Variants in RELN observed in about 807,000 individuals in gnomAD.
RELN encodes the protein reelin.
In RELN, 108 loss-of-function variants were observed where a neutral mutation model predicts 427.6. The observed-to-expected ratio is 0.25, with a 90% confidence interval of 0.22 to 0.30. The LOEUF is 0.30. Among genes scored for constraint, RELN ranks in the 10% least tolerant of loss-of-function variants. The probability of loss-of-function intolerance (pLI) is 1.00; values close to 1 mark genes in which losing one functional copy is unlikely to be tolerated. For missense variants in RELN, 3,715 were observed against 4,302.8 expected (o/e 0.86, Z 3.82); for synonymous variants, 1,524 against 1,513.4 (o/e 1.01, Z -0.16).
chr7:103,502,767 A>G (rs1186626498), intron 52 of RELN, among the ~76,000 whole-genome samples: 1 of 152,164 alleles, frequency 6.6e-6, no homozygotes, highest in Non-Finnish European at 1.5e-5. Context: ...CCATTTTAAG[A>G]TACTGAGGTT....
Position 103,575,631 on chromosome 7 carries a change from T to G in RELN, c.4220A>C (p.Tyr1407Ser). ...GTAACTGGGACAAGGCTCGGATATGTACACTCCATCTAAACCAAATGGAGG... is the reference window on the plus strand; with the variant it reads ...GTAACTGGGACAAGGCTCGGATATGGACACTCCATCTAAACCAAATGGAGG... ...NVPPFGLDGV[Y>S]ISEPCPSYCS... is the part of the protein sequence containing the mutation. Residue 1407 changes from tyrosine (Y) to serine (S), a missense_variant, in exon 29 of 65, where the codon TAC (tyrosine) becomes TCC (serine). Around this residue, in one of 4 missense-constraint regions of RELN, gnomAD observed 2,208 missense variants for 2,361.7 expected, o/e 0.93. Transcript: ENST00000428762. 6.2e-7 allele frequency: 1 copy of G among 1,614,170 alleles called. No homozygotes were observed. Among genetic ancestry groups the G allele is most frequent in the Non-Finnish European group, 8.5e-7 (1 of 1,180,002 alleles).
chr7:103,543,793 C>T (rs981297169), intron 42 of RELN, among the ~76,000 whole-genome samples: 7 of 152,106 alleles, frequency 4.6e-5, no homozygotes, highest in East Asian at 1.9e-4. Context: ...ATTTTAACCA[C>T]GTCAAAGTAA....
chr7:103,915,715 C>A lies in RELN; in HGVS notation c.337+1360G>T, dbSNP rs79961335. 3.7e-3 allele frequency among the ~76,000 whole-genome samples: 559 copies of A among 152,146 alleles called. 9 individuals are homozygous for A. The East Asian group carries it at 0.058, about 16-fold the overall frequency. On this transcript the variant is annotated intron_variant, in intron 2 of 64. Transcript: ENST00000428762. ...AGGCTGGATCCTAGAAGGTCTTATTCCAAATATTGCATACTTATACTAAAA... is the reference window on the plus strand; with the variant it reads ...AGGCTGGATCCTAGAAGGTCTTATTACAAATATTGCATACTTATACTAAAA...
chr7:103,911,398 T>C (rs1243916414), intron 2 of RELN, among the ~76,000 whole-genome samples: 5 of 143,784 alleles, frequency 3.5e-5, no homozygotes, highest in Non-Finnish European at 6.1e-5. Flanking sequence ...ACTTTTACAC[T>C]GTTGGTGGGA....
Position 103,545,073 on chromosome 7 carries a change from A to G in RELN, c.6523+51T>C. 2.1e-6 allele frequency: 3 copies of G among 1,409,272 alleles called. No individual in the cohort carries two copies. In the South Asian group the frequency reaches 3.5e-5, roughly 16 times the overall value. The allele number at this position is 1,409,272 out of a possible 1,614,324, so 87.3% of individuals were successfully genotyped here. On this transcript the variant is annotated intron_variant, in intron 42 of 64. Coordinates refer to ENST00000428762, the MANE Select transcript of RELN (RefSeq NM_005045.4). ...TAGTTATCTACCAAAAATTGTGTTTAACATATAAGTTCTTTCACAAGACTA... is the reference window on the plus strand; with the variant it reads ...TAGTTATCTACCAAAAATTGTGTTTGACATATAAGTTCTTTCACAAGACTA...
rs374189896 is a variant in RELN at position 103,636,257 on chromosome 7, A to G, written c.2281T>C (p.Phe761Leu). 23 of 1,613,480 alleles carry G rather than the reference A, an allele frequency of 1.4e-5. No individual in the cohort carries two copies. The highest frequency in any genetic ancestry group is 1.9e-5 in the Non-Finnish European group (23 of 1,179,652). ...KDGRRQLITS[F>L]LDSSQSRFLQ... ...CACCTGGATTGTGAGCTGTCAAGGA[A>G]AGATGTAATTAGCTGACGCCGCCCA... Residue 761 changes from phenylalanine to leucine, a missense_variant, in exon 18 of 65, where the codon TTC (phenylalanine) becomes CTC (leucine). This residue lies in a region of RELN where 2,208 missense variants were observed against 2,361.7 expected (regional missense o/e 0.93). Transcript: ENST00000428762.
At chr7:103,844,638 G>C (rs1353991714) in intron 2 of RELN, among the ~76,000 whole-genome samples, 1 of 152,256 alleles carries the variant, frequency 6.6e-6, no homozygotes, top group Non-Finnish European at 1.5e-5. Context: ...TCAATTTTTA[G>C]TGGTGTGATC....
At chr7:103,491,414 C>T (rs1466168912) in intron 58 of RELN, among the ~76,000 whole-genome samples, 1 of 151,468 alleles carries the variant, frequency 6.6e-6, no homozygotes, top group Non-Finnish European at 1.5e-5. Flanking sequence ...TTCTTGGTGG[C>T]AGCCTTGAAT....
Position 103,652,800 on chromosome 7 carries a change from T to C in RELN, c.1555-41A>G, listed in dbSNP as rs771132022. 24 of 1,576,292 alleles carry C rather than the reference T, an allele frequency of 1.5e-5. No homozygotes were observed. In the East Asian group the frequency reaches 2.9e-4, roughly 19 times the overall value. ...GACCAGAATCACTCAAAATCCTTTC[T>C]AGGCTAGTCCATGTAAATTCTCCTA... On this transcript the variant is annotated intron_variant, in intron 13 of 64. Transcript: ENST00000428762.
At chr7:103,672,284 T>C (rs1486506010) in intron 11 of RELN, among the ~76,000 whole-genome samples, 1 of 152,098 alleles carries the variant, frequency 6.6e-6, no homozygotes, top group Non-Finnish European at 1.5e-5. Context: ...TTCTGGATGC[T>C]CACATGGACA....
At chr7:103,788,203 C>T (rs950633278) in intron 3 of RELN, among the ~76,000 whole-genome samples, 1 of 152,094 alleles carries the variant, frequency 6.6e-6, no homozygotes, top group Non-Finnish European at 1.5e-5. Flanking sequence ...ATAATAAGAG[C>T]TATTTATGAC....
chr7:103,935,295 A>T (rs560119661), intron 1 of RELN, among the ~76,000 whole-genome samples: 1 of 152,232 alleles, frequency 6.6e-6, no homozygotes, highest in East Asian at 1.9e-4. Flanking sequence ...CAAATGCTCC[A>T]CTAGAACAGC....
intron 2 of RELN, among the ~76,000 whole-genome samples, chr7:103,859,335 T>C (rs39402): frequency 0.67 from 101,087 of 151,896 alleles, 33,805 homozygotes; most frequent in East Asian, 0.84. Flanking sequence ...ACTCTGTTGC[T>C]CAGGCTGGAG....
chr7:103,578,612 T>C (rs1350390789), intron 28 of RELN, among the ~76,000 whole-genome samples: 1 of 152,216 alleles, frequency 6.6e-6, no homozygotes, highest in Non-Finnish European at 1.5e-5. Context: ...TCTGTTCTCT[T>C]CTCAGTGGCA....
At chr7:103,936,104 T>TTTTTC (rs1795977640) in intron 1 of RELN, among the ~76,000 whole-genome samples, 1 of 151,746 alleles carries the variant, frequency 6.6e-6, no homozygotes, top group Non-Finnish European at 1.5e-5. Context: ...AATGGCTTTT[T>TTTTTC]TTTTTTGAGA....
intron 26 of RELN, 105 bp downstream of exon 26, chr7:103,594,216 A>G (rs1304630926): frequency 6.1e-6 from 7 of 1,140,800 alleles, no homozygotes; most frequent in South Asian, 1.2e-5. Context: ...TTAAACTTAT[A>G]TTATACATTC....
At chr7:103,810,350 A>G (rs1191739944) in intron 3 of RELN, among the ~76,000 whole-genome samples, 1 of 152,192 alleles carries the variant, frequency 6.6e-6, no homozygotes, top group Non-Finnish European at 1.5e-5. Context: ...CTTGAAAGCA[A>G]TAGGTCATCC....
intron 5 of RELN, among the ~76,000 whole-genome samples, chr7:103,750,322 C>T (rs755029542): frequency 1.3e-5 from 2 of 152,148 alleles, no homozygotes; most frequent in Non-Finnish European, 2.9e-5. Context: ...TTTTGCTCGG[C>T]ACTTCTTGCT....
Position 103,671,080 on chromosome 7 carries a change from T to C in RELN, c.1290-9553A>G, listed in dbSNP as rs1028974931. 1.1e-4 allele frequency among the ~76,000 whole-genome samples: 17 copies of C among 152,144 alleles called. 1 individual carries two copies. Among genetic ancestry groups the C allele is most frequent in the Non-Finnish European group, 2.4e-4 (16 of 67,988 alleles). On this transcript the variant is annotated intron_variant, in intron 11 of 64. Coordinates refer to ENST00000428762, the MANE Select transcript of RELN (RefSeq NM_005045.4). ...TATATTTGGGATGGATGCTCTGCTC[T>C]TTAATAAGGGATGTGCCATAGGTGA...
Sources: gnomAD v4.1 joint callset for allele counts (sites outside exome capture counted in the v4.1 genomes callset) on GRCh38, gnomAD v4.1.1 for gene constraint, gnomAD v4.1.1 regional missense constraint, MANE v1.5 for transcripts, NCBI Gene and HGNC (gene_info 2026-07-23, HGNC 2026-07-21) for gene names.